Variants in GFRA2 observed in about 807,000 individuals in gnomAD.
GFRA2 encodes GDNF family receptor alpha-2.
In GFRA2, 17 loss-of-function variants were observed where a neutral mutation model predicts 48.3. The ratio of observed to expected loss-of-function variants is 0.35; its 90% CI spans 0.24 to 0.53. The LOEUF (loss-of-function observed/expected upper bound fraction) is 0.53, where lower values mean the gene tolerates loss of function less well. GFRA2 is among the 20% of genes least tolerant of loss of function. The probability of loss-of-function intolerance (pLI) is 0.93; values close to 1 mark genes in which losing one functional copy is unlikely to be tolerated. For missense variants in GFRA2, 660 were observed against 637.3 expected, an observed-to-expected ratio of 1.04 and a Z score of -0.38; for synonymous variants, 305 against 257.2, an observed-to-expected ratio of 1.19 and a Z score of -1.78.
intron 2 of GFRA2, among the ~76,000 whole-genome samples, chr8:21,798,971 T>C (rs1018352704): frequency 6.6e-6 from 1 of 152,176 alleles, no homozygotes; most frequent in Non-Finnish European, 1.5e-5. Flanking sequence ...TACATCCTCT[T>C]CATCACCATA....
At chr8:21,729,952 G>T (rs1409297337) in intron 4 of GFRA2, among the ~76,000 whole-genome samples, 1 of 152,136 alleles carries the variant, frequency 6.6e-6, no homozygotes, top group Non-Finnish European at 1.5e-5. Context: ...AGCAAGCCTG[G>T]AATTAGAGAG....
Position 21,750,718 on chromosome 8 carries a change from A to G in GFRA2, c.664T>C (p.Cys222Arg). 6.2e-7 allele frequency: 1 copy of G among 1,613,928 alleles called. No individual in the cohort carries two copies. The highest frequency in any genetic ancestry group is 8.5e-7 in the Non-Finnish European group (1 of 1,179,862). ...GCGCACGCCTGGTCTTGGCAGGAGC[A>G]GAAGAGCATGCGGTAGGTGTACTCG... ...PSEYTYRMLF[C>R]SCQDQACAER... is the part of the protein sequence containing the mutation. Residue 222 changes from cysteine to arginine, a missense_variant, in exon 4 of 9, where the codon TGC becomes CGC. Transcript: ENST00000524240. This position sits in a 1 kb window ranked among gnomAD's most constrained non-coding sequence, Gnocchi z 5.7.
At position 21,717,749 on chromosome 8, in the gene GFRA2, T is replaced by C. The variant is rs149245890; in HGVS notation, c.795-11708A>G. Among the ~76,000 whole-genome samples, 398 of 152,302 alleles carry C rather than the reference T, an allele frequency of 2.6e-3. 1 individual carries two copies. Among genetic ancestry groups the C allele is most frequent in the Non-Finnish European group, 4.5e-3 (309 of 68,024 alleles). ...CTACTCTTTCCTGGGCTGCTCCAGATCCTAGGAACTTGCAGGTTGGAGAAA... is the reference window on the plus strand; with the variant it reads ...CTACTCTTTCCTGGGCTGCTCCAGACCCTAGGAACTTGCAGGTTGGAGAAA... On this transcript the variant is annotated intron_variant, in intron 4 of 8. Transcript: ENST00000524240.
At chr8:21,810,934 C>A (rs1171069696) in intron 1 of GFRA2, among the ~76,000 whole-genome samples, 2 of 152,192 alleles carry the variant, frequency 1.3e-5, no homozygotes, top group African/African-American at 4.8e-5. Flanking sequence ...CTAGAAGAAG[C>A]ACCTGGGGAG....
chr8:21,805,997 C>A (rs1401590159), intron 1 of GFRA2, among the ~76,000 whole-genome samples: 1 of 152,212 alleles, frequency 6.6e-6, no homozygotes, highest in Non-Finnish European at 1.5e-5. Context: ...TCACCTGAAG[C>A]TGAGTCCCAA....
intron 4 of GFRA2, among the ~76,000 whole-genome samples, chr8:21,727,439 A>G (rs1803925441): frequency 6.6e-6 from 1 of 152,168 alleles, no homozygotes; most frequent in Admixed American, 6.5e-5. Context: ...TGGGGCACAG[A>G]TCCCAGTGTG....
intron 3 of GFRA2, among the ~76,000 whole-genome samples, chr8:21,774,508 C>T (rs767664353): frequency 6.6e-6 from 1 of 152,144 alleles, no homozygotes; most frequent in Non-Finnish European, 1.5e-5. Flanking sequence ...CTGACTGATG[C>T]GGCGTGCTGA....
At chr8:21,735,794 G>A (rs1804430697) in intron 4 of GFRA2, among the ~76,000 whole-genome samples, 1 of 151,632 alleles carries the variant, frequency 6.6e-6, no homozygotes, top group Admixed American at 6.6e-5. Context: ...AGCTTCCTGA[G>A]TAGCCGGGAC....
At chr8:21,698,981 G>A (rs1404005657) in intron 7 of GFRA2, among the ~76,000 whole-genome samples, 3 of 152,074 alleles carry the variant, frequency 2.0e-5, no homozygotes, top group Non-Finnish European at 2.9e-5. Flanking sequence ...CCCAGTCAAC[G>A]CACTCTCTCC....
rs377685512 is a variant in GFRA2, at chr8:21,693,980, C to CATAT, written c.1272+480_1272+483dup. Among the ~76,000 whole-genome samples, 252 of 145,318 alleles carry CATAT rather than the reference C, an allele frequency of 1.7e-3. 1 individual carries two copies. Among genetic ancestry groups the CATAT allele is most frequent in the African/African-American group, 6.2e-3 (245 of 39,542 alleles). ...AAGTTACTGTCTTGGGTCTATAAGT[C>CATAT]ATATATATATATACGTCATATACAT... On this transcript the variant is annotated intron_variant, in intron 8 of 8. Coordinates refer to ENST00000524240, the MANE Select transcript of GFRA2 (RefSeq NM_001495.5).
intron 7 of GFRA2, among the ~76,000 whole-genome samples, chr8:21,697,076 T>G (rs1355706930): frequency 0.024 from 67 of 2,790 alleles, no homozygotes; most frequent in Admixed American, 0.028. Context: ...CCGAGGAGGG[T>G]AGATGGGACA....
At chr8:21,747,651 C>A (rs573965870) in intron 4 of GFRA2, among the ~76,000 whole-genome samples, 1 of 151,968 alleles carries the variant, frequency 6.6e-6, no homozygotes, top group Admixed American at 6.5e-5. Context: ...CATCTCTCTG[C>A]GGTCCCTGGC....
At chr8:21,695,318 C>T (rs538079601) in intron 7 of GFRA2, among the ~76,000 whole-genome samples, 1 of 152,270 alleles carries the variant, frequency 6.6e-6, no homozygotes, top group Non-Finnish European at 1.5e-5. Flanking sequence ...GCGCTTCCAT[C>T]CAGGATTCAA....
chr8:21,796,174 T>G (rs1807672294), intron 2 of GFRA2, among the ~76,000 whole-genome samples: 1 of 152,180 alleles, frequency 6.6e-6, no homozygotes, highest in African/African-American at 2.4e-5. Flanking sequence ...CCCTCTGTAG[T>G]TGGCACTATA....
chr8:21,785,123 T>C (rs1807204944), intron 1 of GFRA2, among the ~76,000 whole-genome samples: 1 of 152,262 alleles, frequency 6.6e-6, no homozygotes, highest in Non-Finnish European at 1.5e-5. Flanking sequence ...CTTAGCCTTC[T>C]GTAGGCACAG....
intron 4 of GFRA2, among the ~76,000 whole-genome samples, chr8:21,715,729 T>C (rs1803299182): frequency 6.6e-6 from 1 of 152,236 alleles, no homozygotes; most frequent in South Asian, 2.1e-4. Flanking sequence ...TCTAAAGTTT[T>C]CCTAATGGGG....
At chr8:21,788,878 T>A, upstream of GFRA2, 1 of 800,312 alleles carries the variant, frequency 1.2e-6, no homozygotes, top group Non-Finnish European at 1.5e-6. Context: ...CAGCTCTCCC[T>A]CGCTCTCCTC....
chr8:21,774,196 T>A (rs1806577423), intron 3 of GFRA2, among the ~76,000 whole-genome samples: 1 of 140,488 alleles, frequency 7.1e-6, no homozygotes, highest in South Asian at 2.5e-4. Context: ...CCCTCCCCAG[T>A]GCCCAGGCAG....
intron 7 of GFRA2, among the ~76,000 whole-genome samples, chr8:21,702,055 C>T (rs1177573861): frequency 1.3e-5 from 2 of 152,150 alleles, no homozygotes; most frequent in Non-Finnish European, 2.9e-5. Flanking sequence ...GGCACAGCCC[C>T]GACTGGCTGA....
Sources: allele counts gnomAD v4.1 joint callset (sites outside exome capture counted in the v4.1 genomes callset), GRCh38; gene constraint gnomAD v4.1.1; non-coding constraint Gnocchi (gnomAD v3.1); transcripts MANE v1.5; gene names NCBI Gene and HGNC (gene_info 2026-07-23, HGNC 2026-07-21).